The following FAT4 variants were observed in gnomAD, a reference collection of about 807,000 sequenced individuals.
FAT4 encodes FAT atypical cadherin 4.
A neutral mutation model predicts 303.9 loss-of-function variants in FAT4; 84 were observed. The ratio of observed to expected loss-of-function variants is 0.28; its 90% confidence interval spans 0.23 to 0.33. The LOEUF is 0.33. Among genes scored for constraint, FAT4 ranks in the 10% least tolerant of loss-of-function variants. The probability of loss-of-function intolerance (pLI) is 1.00; values close to 1 mark genes in which losing one functional copy is unlikely to be tolerated. For synonymous variants in FAT4, 2,307 were observed against 2,298.8 expected (o/e 1.00, Z -0.10); for missense variants, 6,005 against 6,146.8 (o/e 0.98, Z 0.77).
chr4:125,433,768 T>G (rs1725356473), intron 7 of FAT4, among the ~76,000 whole-genome samples: 1 of 152,190 alleles, frequency 6.6e-6, no homozygotes, highest in South Asian at 2.1e-4. Context: ...GGAAAGGGAT[T>G]TAAATACCTC....
intron 2 of FAT4, chr4:125,393,948 G>A (rs779693183): frequency 9.0e-6 from 7 of 780,074 alleles, no homozygotes; most frequent in East Asian, 4.9e-5. Flanking sequence ...GGTAACAACG[G>A]TAGTGGCAGT....
At position 125,450,974 on chromosome 4, in the gene FAT4, G is replaced by A. The variant is rs181641041; in HGVS notation, c.9964G>A (p.Val3322Met). Reference sequence around the variant, plus strand: ...TCCTAAAGGTACTATTGTTGGAGAAGTGTTTGCTAGCGACCGTGATTTGGG... The same window carrying A: ...TCCTAAAGGTACTATTGTTGGAGAAATGTTTGCTAGCGACCGTGATTTGGG... ...AAPKGTIVGE[V>M]FASDRDLGTD... Residue 3322 changes from valine to methionine, a missense_variant, in exon 10 of 18, where the codon GTG (valine) becomes ATG (methionine). Val to Met is a conservative substitution (Grantham distance 21). Transcript: ENST00000394329. 30 of 1,614,194 alleles carry A rather than the reference G, an allele frequency of 1.9e-5. No individual in the cohort carries two copies. The African/African-American group carries it at 3.2e-4, about 17-fold the overall frequency.
chr4:125,435,699 A>C (rs1461563057), intron 8 of FAT4, among the ~76,000 whole-genome samples: 1 of 152,120 alleles, frequency 6.6e-6, no homozygotes, highest in Non-Finnish European at 1.5e-5. Context: ...GTGAGAAAGG[A>C]GTCAGAGAGG....
Position 125,490,315 on chromosome 4 carries a change from T to C in FAT4, c.13499T>C (p.Ile4500Thr), listed in dbSNP as rs1727576451. 1 of 1,613,916 alleles carries C rather than the reference T, an allele frequency of 6.2e-7. No individual in the cohort carries two copies. The highest frequency in any genetic ancestry group is 8.5e-7 in the Non-Finnish European group (1 of 1,180,010). The change falls in exon 18 of 18, where the codon ATC becomes ACC. Residue 4500 changes from isoleucine (I) to threonine (T), a missense_variant. By Grantham distance (89) the Ile-to-Thr change is moderately conservative (BLOSUM62 -1). Transcript: ENST00000394329. ...VCVLSQGPEE[I>T]SLPLWAVPAI... ...GTTCTGAGTCAGGGCCCTGAAGAGA[T>C]CTCTCTGCCTTTGTGGGCTGTGCCT...
At chr4:125,486,204 G>A (rs1727406700) in intron 16 of FAT4, among the ~76,000 whole-genome samples, 1 of 147,210 alleles carries the variant, frequency 6.8e-6, no homozygotes, top group African/African-American at 2.5e-5. Context: ...TTTTTACTGT[G>A]TGTCATGAGA....
At chr4:125,411,464 G>T (rs1481897653) in intron 5 of FAT4, among the ~76,000 whole-genome samples, 1 of 151,790 alleles carries the variant, frequency 6.6e-6, no homozygotes, top group African/African-American at 2.4e-5. Context: ...TGGAATTTTT[G>T]CTGAATAAAT....
At chr4:125,435,403 T>C (rs1291385735) in intron 8 of FAT4, among the ~76,000 whole-genome samples, 1 of 152,194 alleles carries the variant, frequency 6.6e-6, no homozygotes, top group Non-Finnish European at 1.5e-5. Flanking sequence ...ATGAAAGTAA[T>C]GGAGCAGAAG....
intron 10 of FAT4, among the ~76,000 whole-genome samples, chr4:125,457,248 C>G (rs914594447): frequency 5.9e-5 from 9 of 151,980 alleles, no homozygotes; most frequent in Non-Finnish European, 8.8e-5. Flanking sequence ...ACTTTATCCC[C>G]AGAATCCCCT....
intron 7 of FAT4, among the ~76,000 whole-genome samples, chr4:125,417,097 A>G (rs1320324043): frequency 1.3e-5 from 2 of 152,118 alleles, no homozygotes; most frequent in Non-Finnish European, 2.9e-5. Flanking sequence ...CATTCACTTT[A>G]TGACATTTAT....
chr4:125,348,745 T>C (rs1732101600), intron 2 of FAT4, among the ~76,000 whole-genome samples: 1 of 151,654 alleles, frequency 6.6e-6, no homozygotes, highest in Non-Finnish European at 1.5e-5. Flanking sequence ...TAATTCTATG[T>C]TTAATTGTGA....
At chr4:125,333,358 T>G (rs531685776) in intron 2 of FAT4, among the ~76,000 whole-genome samples, 1 of 152,274 alleles carries the variant, frequency 6.6e-6, no homozygotes, top group Admixed American at 6.5e-5. Context: ...GTGATGATTT[T>G]CTTAATGGCA....
At chr4:125,353,891 G>T (rs945664981) in intron 2 of FAT4, among the ~76,000 whole-genome samples, 1 of 151,488 alleles carries the variant, frequency 6.6e-6, no homozygotes, top group African/African-American at 2.4e-5. Flanking sequence ...CAACCCAAAG[G>T]TCCCAGAAAT....
At chr4:125,363,158 G>A (rs1732735948) in intron 2 of FAT4, among the ~76,000 whole-genome samples, 1 of 152,100 alleles carries the variant, frequency 6.6e-6, no homozygotes, top group Admixed American at 6.6e-5. Flanking sequence ...GTACATATAT[G>A]TGGGTGTCCT....
At chr4:125,331,615 C>G (rs1044321876) in intron 2 of FAT4, among the ~76,000 whole-genome samples, 1 of 152,146 alleles carries the variant, frequency 6.6e-6, no homozygotes, top group East Asian at 1.9e-4. Flanking sequence ...GTGTATGCTA[C>G]ACCATCTCAT....
chr4:125,430,904 G>C (rs1253819050), intron 7 of FAT4, among the ~76,000 whole-genome samples: 1 of 152,140 alleles, frequency 6.6e-6, no homozygotes, highest in African/African-American at 2.4e-5. Context: ...TGAGTGCTTT[G>C]AAAATCATCT....
chr4:125,467,770 C>T (rs1726716068), intron 11 of FAT4, among the ~76,000 whole-genome samples: 1 of 152,100 alleles, frequency 6.6e-6, no homozygotes, highest in Non-Finnish European at 1.5e-5. Flanking sequence ...AAAACAAATG[C>T]ATTTGCCATC....
At chr4:125,417,813 G>T (rs996198852) in intron 7 of FAT4, among the ~76,000 whole-genome samples, 5 of 152,066 alleles carry the variant, frequency 3.3e-5, no homozygotes, top group Admixed American at 6.6e-5. Context: ...TTTTCGAGTC[G>T]CTCTGAAATA....
At chr4:125,370,962 G>A (rs1422946142) in intron 2 of FAT4, among the ~76,000 whole-genome samples, 2 of 151,778 alleles carry the variant, frequency 1.3e-5, no homozygotes, top group Admixed American at 6.6e-5. Flanking sequence ...CCTGGCCAAC[G>A]TGGTGAAACC....
chr4:125,407,931 G>C lies in FAT4; in HGVS notation c.5570-513G>C, dbSNP rs1302399718. ...GCAAAGGAATTAAACATCTACAGGA[G>C]ACTCCTTCTACCTGAAGTTTTTTCT... On this transcript the variant is annotated intron_variant, in intron 4 of 17. Transcript: ENST00000394329. Among the ~76,000 whole-genome samples, 2 of 152,088 alleles carry C rather than the reference G, an allele frequency of 1.3e-5. 1 individual carries two copies. The highest frequency in any genetic ancestry group is 4.8e-5 in the African/African-American group (2 of 41,424).
Sources: gnomAD v4.1 joint callset for allele counts (sites outside exome capture counted in the v4.1 genomes callset) on GRCh38, gnomAD v4.1.1 for gene constraint, MANE v1.5 for transcripts, NCBI Gene and HGNC (gene_info 2026-07-23, HGNC 2026-07-21) for gene names.